Variants in DCAF6 observed in about 807,000 individuals in gnomAD.
The protein encoded by DCAF6 is DDB1- and CUL4-associated factor 6.
In DCAF6, 54 loss-of-function variants were observed where a neutral mutation model predicts 125.1. The observed-to-expected ratio is 0.43, with a 90% CI of 0.35 to 0.54. The LOEUF is 0.54. DCAF6 is among the 20% of genes least tolerant of loss of function. The probability of loss-of-function intolerance (pLI) is 0.01; values close to 1 mark genes in which losing one functional copy is unlikely to be tolerated. For synonymous variants in DCAF6, 371 were observed against 390.4 expected (o/e 0.95, Z 0.58); for missense variants, 934 against 1,161.7 (o/e 0.80, Z 2.85).
At chr1:167,886,413 T>A in the DCAF6 span, among the ~76,000 whole-genome samples, 1 of 152,266 alleles carries the variant, frequency 6.6e-6, no homozygotes, top group East Asian at 1.9e-4. Flanking sequence ...AACCATCTGA[T>A]CTTTGACAAA....
chr1:167,915,384 C>CT, the DCAF6 span, among the ~76,000 whole-genome samples: 5 of 152,292 alleles, frequency 3.3e-5, no homozygotes, highest in South Asian at 1.0e-3. Flanking sequence ...ACAGTATATC[C>CT]TTTTTGTAGT....
At chr1:167,912,418 T>C in the DCAF6 span, among the ~76,000 whole-genome samples, 4 of 152,184 alleles carry the variant, frequency 2.6e-5, no homozygotes, top group African/African-American at 9.7e-5. Context: ...CACCTCCACA[T>C]ACTCCCACGT....
chr1:168,033,376 C>T (rs564105468), intron 12 of DCAF6, among the ~76,000 whole-genome samples: 3 of 142,604 alleles, frequency 2.1e-5, no homozygotes, highest in Admixed American at 7.3e-5. Context: ...ACTGCAGTGG[C>T]GCAATCTCGG....
chr1:167,925,483 A>ACG, the DCAF6 span, among the ~76,000 whole-genome samples: 1 of 137,086 alleles, frequency 7.3e-6, no homozygotes, highest in Non-Finnish European at 1.6e-5. Context: ...ATACATATAC[A>ACG]TATACACACA....
the DCAF6 span, chr1:167,918,372 CAG>C: frequency 6.8e-7 from 1 of 1,472,080 alleles, no homozygotes; most frequent in Non-Finnish European, 9.4e-7. Context: ...ATAAAGAAAA[CAG>C]AAAGAAAAAT....
chr1:167,902,795 G>C, the DCAF6 span, among the ~76,000 whole-genome samples: 1 of 152,196 alleles, frequency 6.6e-6, no homozygotes, highest in Non-Finnish European at 1.5e-5. Flanking sequence ...AAACAAGATG[G>C]CAGGCAGAGG....
At chr1:167,951,491 C>G (rs1673930824) in intron 1 of DCAF6, among the ~76,000 whole-genome samples, 1 of 152,160 alleles carries the variant, frequency 6.6e-6, no homozygotes, top group South Asian at 2.1e-4. Flanking sequence ...AGGAGAATTG[C>G]TTGAACTTGG....
chr1:167,911,466 G>T, the DCAF6 span, among the ~76,000 whole-genome samples: 4 of 152,220 alleles, frequency 2.6e-5, no homozygotes, highest in Non-Finnish European at 5.9e-5. Context: ...TTATTTAAAA[G>T]TATTTTTACT....
intron 1 of DCAF6, among the ~76,000 whole-genome samples, chr1:167,943,457 G>T (rs1672568706): frequency 6.6e-6 from 1 of 152,058 alleles, no homozygotes; most frequent in Non-Finnish European, 1.5e-5. Context: ...ATTTTTTGGT[G>T]TTAGGTTTAT....
chr1:167,940,138 C>T (rs567928179), intron 1 of DCAF6, among the ~76,000 whole-genome samples: 1 of 152,184 alleles, frequency 6.6e-6, no homozygotes, highest in South Asian at 2.1e-4. Flanking sequence ...TCCTTTCTTC[C>T]CATCAAAGAA....
intron 17 of DCAF6, chr1:168,056,210 G>A (rs1690752751): frequency 6.2e-7 from 1 of 1,612,392 alleles, no homozygotes; most frequent in African/African-American, 1.4e-5. Flanking sequence ...CAAAATTGCT[G>A]ATTCCCACTG....
At chr1:167,974,654 AAAG>A (rs1373881961) in intron 3 of DCAF6, among the ~76,000 whole-genome samples, 173 bp from the exon 4 acceptor site, 1 of 152,198 alleles carries the variant, frequency 6.6e-6, no homozygotes, top group Non-Finnish European at 1.5e-5. Context: ...ACAGGGAACA[AAAG>A]AAAATATATG....
intron 4 of DCAF6, among the ~76,000 whole-genome samples, chr1:167,979,070 A>G (rs1179799081): frequency 6.6e-6 from 1 of 152,132 alleles, no homozygotes; most frequent in Admixed American, 6.5e-5. Flanking sequence ...ATATTCTTCT[A>G]CTTTAATTTC....
chr1:167,966,504 T>C, intron 2 of DCAF6, 125 bp from the exon 3 acceptor site: 3 of 668,990 alleles, frequency 4.5e-6, no homozygotes, highest in Non-Finnish European at 2.7e-6. Context: ...GACACCCCTA[T>C]GTTAAATACT....
chr1:168,073,955 TAAATATGTATTGAATAC>T (rs988174260), intron 21 of DCAF6, among the ~76,000 whole-genome samples: 43 of 147,922 alleles, frequency 2.9e-4, no homozygotes, highest in Admixed American at 3.3e-4. Context: ...ATTTATTTTA[TAAATATGTATTGAATAC>T]ATATTTATAA....
chr1:167,917,976 A>G, the DCAF6 span: 51 of 183,352 alleles, frequency 2.8e-4, no homozygotes, highest in Middle Eastern at 2.1e-3. Flanking sequence ...TCCTACACTA[A>G]ATAAGCAGAT....
At chr1:167,932,952 G>A (rs1320240836), upstream of DCAF6, among the ~76,000 whole-genome samples, 6 of 152,090 alleles carry the variant, frequency 3.9e-5, no homozygotes, top group Non-Finnish European at 7.4e-5. Flanking sequence ...AGTCAGGTGG[G>A]GGATAATGCG....
upstream of DCAF6, chr1:167,936,237 C>T (rs1167806490): frequency 8.4e-6 from 2 of 239,154 alleles, no homozygotes; most frequent in African/African-American, 2.4e-5. Context: ...GAAACCTCCT[C>T]CTTCTCCCCA....
intron 4 of DCAF6, among the ~76,000 whole-genome samples, chr1:167,981,850 T>C (rs139992607): frequency 1.3e-5 from 2 of 152,346 alleles, no homozygotes; most frequent in African/African-American, 4.8e-5. Context: ...TGAGTGCATG[T>C]GTCTTTTTGG....
Sources: allele counts gnomAD v4.1 joint callset (sites outside exome capture counted in the v4.1 genomes callset), GRCh38; gene constraint gnomAD v4.1.1; transcripts MANE v1.5; gene names NCBI Gene and HGNC (gene_info 2026-07-23, HGNC 2026-07-21).